GRIN3A: variants seen among roughly 807,000 people sequenced by gnomAD.
The protein encoded by GRIN3A is glutamate receptor ionotropic, NMDA 3A.
In GRIN3A, 47 loss-of-function variants were observed where a neutral mutation model predicts 92.4. The observed-to-expected ratio is 0.51, with a 90% CI of 0.40 to 0.65. GRIN3A has a LOEUF of 0.65. GRIN3A is among the 30% of genes least tolerant of loss of function. The probability of loss-of-function intolerance (pLI) is 0.00; values close to 1 mark genes in which losing one functional copy is unlikely to be tolerated. For missense variants in GRIN3A, 1,324 were observed against 1,393.1 expected (o/e 0.95, Z 0.79); for synonymous variants, 527 against 540.6 (o/e 0.97, Z 0.35).
intron 2 of GRIN3A, among the ~76,000 whole-genome samples, chr9:101,672,046 T>C (rs887706139): frequency 6.6e-6 from 1 of 152,188 alleles, no homozygotes. Context: ...GCTTGTGGCA[T>C]ATTAATGGCA....
At chr9:101,641,880 AT>A (rs1245036871) in intron 3 of GRIN3A, among the ~76,000 whole-genome samples, 6 of 152,084 alleles carry the variant, frequency 3.9e-5, no homozygotes, top group Admixed American at 3.9e-4. Flanking sequence ...ACTTAAATGT[AT>A]TTCATTGGTT....
At chr9:101,679,117 T>C (rs770073905) in intron 2 of GRIN3A, among the ~76,000 whole-genome samples, 2 of 152,178 alleles carry the variant, frequency 1.3e-5, no homozygotes, top group Non-Finnish European at 2.9e-5. Context: ...TAAGACATTA[T>C]GCAGTATTTA....
At chr9:101,702,269 C>G (rs1315889394) in intron 1 of GRIN3A, among the ~76,000 whole-genome samples, 1 of 152,088 alleles carries the variant, frequency 6.6e-6, no homozygotes. Context: ...CCCACTGCAC[C>G]TCAGCCTGGT....
chr9:101,688,780 A>G (rs1384272518), intron 1 of GRIN3A, among the ~76,000 whole-genome samples: 2 of 152,098 alleles, frequency 1.3e-5, no homozygotes, highest in Non-Finnish European at 2.9e-5. Flanking sequence ...TTAGCCAGAA[A>G]TAGCTTGAAC....
rs868754210 is a variant in GRIN3A, at chr9:101,686,599, G to T, written c.1301C>A (p.Ser434Ter). 6.2e-7 allele frequency: 1 copy of T among 1,614,126 alleles called. No homozygotes were observed. The highest frequency in any genetic ancestry group is 1.1e-5 in the South Asian group (1 of 91,058). Reference sequence around the variant, plus strand: ...TAACCGAGACCTTGCATCCTACCTTGATAAATATTGTCCTGAAGTGAGATT... The same window carrying T: ...TAACCGAGACCTTGCATCCTACCTTTATAAATATTGTCCTGAAGTGAGATT... Reference protein sequence around the residue: ...TTNLTSGQYLSRFLANTTFRG... With the variant: ...TTNLTSGQYL Residue 434 changes from serine to a stop codon, truncating the protein, a stop_gained, in exon 2 of 9, where the codon TCA (serine) becomes TAA (stop). Transcript: ENST00000361820. LOFTEE classifies it high-confidence loss of function.
Position 101,738,270 on chromosome 9 carries a change from C to G in GRIN3A, c.-291G>C. ...CGCCTGTCACCCGCAGCTGGAGCGC[C>G]CGTTCCCTGCCCGCCCCATCTGCAG... is the stretch of plus-strand genomic sequence containing the variant. On this transcript the variant is annotated 5_prime_UTR_variant, in exon 1 of 9. Transcript: ENST00000361820. 1 of 468,782 alleles carries G rather than the reference C, an allele frequency of 2.1e-6. No homozygotes were observed. The highest frequency in any genetic ancestry group is 2.3e-5 in the South Asian group (1 of 43,448). 29.0% of individuals were successfully genotyped at this position (468,782 alleles called of 1,614,324 possible). A position where few individuals can be genotyped will look rare whatever the true frequency, so the allele number is the denominator to read the frequency against.
chr9:101,698,266 T>A (rs1829706840), intron 1 of GRIN3A, among the ~76,000 whole-genome samples: 1 of 152,226 alleles, frequency 6.6e-6, no homozygotes. Flanking sequence ...ACTTAGCATC[T>A]ATTGGTGTTA....
chr9:101,677,641 C>A (rs1051883700), intron 2 of GRIN3A, among the ~76,000 whole-genome samples: 1 of 151,870 alleles, frequency 6.6e-6, no homozygotes, highest in Non-Finnish European at 1.5e-5. Flanking sequence ...TACTTGATGG[C>A]GAGTTGTTAC....
At chr9:101,597,273 A>T (rs1419539529) in intron 6 of GRIN3A, among the ~76,000 whole-genome samples, 1 of 152,110 alleles carries the variant, frequency 6.6e-6, no homozygotes, top group Admixed American at 6.5e-5. Flanking sequence ...GGCTTATAAC[A>T]TATGGGAGCT....
At chr9:101,622,872 T>A (rs1828576658) in intron 5 of GRIN3A, among the ~76,000 whole-genome samples, 1 of 151,880 alleles carries the variant, frequency 6.6e-6, no homozygotes, top group African/African-American at 2.4e-5. Flanking sequence ...TTTGCTAGAG[T>A]ATTTGGCTGT....
intron 6 of GRIN3A, chr9:101,593,658 T>C (rs1004164122): frequency 2.0e-5 from 3 of 152,302 alleles, no homozygotes; most frequent in African/African-American, 7.2e-5. Context: ...TTGAAATTAA[T>C]GCTGGTGTGG....
chr9:101,737,793 G>C lies in GRIN3A; in HGVS notation c.187C>G (p.Arg63Gly), dbSNP rs1444689240. ...VHLQPWTTAP[R>G]AASRAPDDSR... is the part of the protein sequence containing the mutation. ...TCGTCCGGAGCGCGGCTGGCCGCGCGGGGGGCGGTGGTCCAGGGCTGCAAG... is the reference window on the plus strand; with the variant it reads ...TCGTCCGGAGCGCGGCTGGCCGCGCCGGGGGCGGTGGTCCAGGGCTGCAAG... The change falls in exon 1 of 9, where the codon CGC becomes GGC. Residue 63 changes from arginine (R) to glycine (G), a missense_variant. Transcript: ENST00000361820. 3 of 1,529,526 alleles carry C rather than the reference G, an allele frequency of 2.0e-6. No homozygotes were observed. Among genetic ancestry groups the C allele is most frequent in the South Asian group, 1.2e-5 (1 of 83,372 alleles). The allele number at this position is 1,529,526 out of a possible 1,614,324, so 94.7% of individuals were successfully genotyped here.
chr9:101,703,739 T>G (rs1285416004), intron 1 of GRIN3A, among the ~76,000 whole-genome samples: 1 of 152,206 alleles, frequency 6.6e-6, no homozygotes, highest in Non-Finnish European at 1.5e-5. Flanking sequence ...ATAACGCATT[T>G]CTCAGAAATT....
In GRIN3A at chr9:101,574,060, T is replaced by C. The variant is rs1434041433; in HGVS notation, c.3009-547A>G. On this transcript the variant is annotated intron_variant, in intron 8 of 8. Coordinates refer to ENST00000361820, the MANE Select transcript of GRIN3A (RefSeq NM_133445.3). ...AAGCCACAGGTCTCAGCAAAGTGTT[T>C]CTTACTATAGGGATGATTTTTATGT... Among the ~76,000 whole-genome samples, 6 of 152,172 alleles carry C rather than the reference T, an allele frequency of 3.9e-5. No individual in the cohort carries two copies. In the East Asian group the frequency reaches 1.2e-3, roughly 29 times the overall value.
In GRIN3A at chr9:101,623,691, A is replaced by G. The variant is rs574676972; in HGVS notation, c.2499-258T>C. Among the ~76,000 whole-genome samples the G allele has an allele frequency of 9.2e-5, 14 of 152,346 alleles. No individual in the cohort carries two copies. In the East Asian group the frequency reaches 2.5e-3, roughly 27 times the overall value. On this transcript the variant is annotated intron_variant, in intron 4 of 8. Coordinates refer to ENST00000361820, the MANE Select transcript of GRIN3A (RefSeq NM_133445.3). ...AGCTCCTTTAATTACTTCTAAATCC[A>G]TCAGTAAAGCCAGAGCCACTCTGAA...
At chr9:101,625,785 G>T (rs1466450069) in intron 4 of GRIN3A, among the ~76,000 whole-genome samples, 1 of 152,112 alleles carries the variant, frequency 6.6e-6, no homozygotes, top group Non-Finnish European at 1.5e-5. Context: ...TCCAATCAAA[G>T]TTCGACTGCC....
chr9:101,683,296 T>G (rs1160597307), intron 2 of GRIN3A, among the ~76,000 whole-genome samples: 1 of 152,202 alleles, frequency 6.6e-6, no homozygotes, highest in African/African-American at 2.4e-5. Context: ...AAATGAAAAC[T>G]TGCGTAACTC....
intron 3 of GRIN3A, among the ~76,000 whole-genome samples, chr9:101,654,284 C>T (rs1829053865): frequency 6.6e-6 from 1 of 150,548 alleles, no homozygotes; most frequent in South Asian, 2.1e-4. Context: ...TACACATGCA[C>T]ATATATATAT....
At chr9:101,585,693 C>T (rs1336668092) in intron 6 of GRIN3A, among the ~76,000 whole-genome samples, 2 of 152,130 alleles carry the variant, frequency 1.3e-5, no homozygotes, top group Non-Finnish European at 2.9e-5. Flanking sequence ...TTCAACATCC[C>T]ACCACCTCCA....
Sources: allele counts gnomAD v4.1 joint callset (sites outside exome capture counted in the v4.1 genomes callset), GRCh38; gene constraint gnomAD v4.1.1; transcripts MANE v1.5; gene names NCBI Gene and HGNC (gene_info 2026-07-23, HGNC 2026-07-21).